Variants in PIKFYVE observed in about 807,000 individuals in gnomAD.
PIKFYVE encodes phosphoinositide kinase, FYVE-type zinc finger containing, also known as 1-phosphatidylinositol 3-phosphate 5-kinase.
In PIKFYVE, 122 loss-of-function variants were observed where a neutral mutation model predicts 257.9. The observed-to-expected ratio is 0.47, with a 90% confidence interval of 0.41 to 0.55. The LOEUF is 0.55. PIKFYVE is among the 20% of genes least tolerant of loss of function. The pLI, the probability that PIKFYVE is intolerant of heterozygous loss-of-function variation, is 0.00. For synonymous variants in PIKFYVE, 892 were observed against 868.9 expected (o/e 1.03, Z -0.47); for missense variants, 2,160 against 2,536.6 (o/e 0.85, Z 3.19).
intron 38 of PIKFYVE, among the ~76,000 whole-genome samples, chr2:208,351,893 T>C (rs1699808176): frequency 6.6e-6 from 1 of 152,154 alleles, no homozygotes; most frequent in Non-Finnish European, 1.5e-5. Context: ...CCTCCAACAT[T>C]GCAGATAACA....
chr2:208,315,830 A>AT (rs1695442109), intron 15 of PIKFYVE, among the ~76,000 whole-genome samples: 1 of 56,286 alleles, frequency 1.8e-5, no homozygotes, highest in South Asian at 8.3e-4. Flanking sequence ...ACATTATGAC[A>AT]TTTTTTGCGA....
intron 31 of PIKFYVE, 100 bp downstream of exon 31, chr2:208,340,231 A>G (rs1698568218): frequency 2.1e-6 from 3 of 1,434,696 alleles, no homozygotes; most frequent in African/African-American, 1.4e-5. Flanking sequence ...TGATTTTTCA[A>G]TCCTAAATTT....
intron 12 of PIKFYVE, among the ~76,000 whole-genome samples, chr2:208,307,128 G>GT (rs1310678666): frequency 6.6e-6 from 1 of 152,126 alleles, no homozygotes; most frequent in Non-Finnish European, 1.5e-5. Context: ...GGCAACTTTC[G>GT]TAGGAGAATG....
intron 12 of PIKFYVE, among the ~76,000 whole-genome samples, chr2:208,307,492 G>A (rs1250899194): frequency 2.0e-5 from 3 of 152,118 alleles, no homozygotes; most frequent in Non-Finnish European, 4.4e-5. Flanking sequence ...TTTGGATCTG[G>A]GATCATGGAG....
intron 28 of PIKFYVE, among the ~76,000 whole-genome samples, chr2:208,337,610 T>C (rs1313838820): frequency 6.6e-6 from 1 of 152,122 alleles, no homozygotes; most frequent in African/African-American, 2.4e-5. Flanking sequence ...GATAGATAGA[T>C]ATATCTATAC....
chr2:208,335,709 G>A (rs1698063212), intron 25 of PIKFYVE, 84 bp from the exon 26 acceptor site: 9 of 1,085,128 alleles, frequency 8.3e-6, no homozygotes, highest in Non-Finnish European at 1.1e-5. Flanking sequence ...ATTACATTTT[G>A]CATGTAGCTT....
chr2:208,318,421 ACT>A (rs1695811440), intron 16 of PIKFYVE, among the ~76,000 whole-genome samples: 1 of 152,090 alleles, frequency 6.6e-6, no homozygotes, highest in Non-Finnish European at 1.5e-5. Context: ...TATTAAGGAG[ACT>A]CTGAGTTCCT....
chr2:208,282,906 G>A (rs775481652), intron 5 of PIKFYVE, among the ~76,000 whole-genome samples: 12 of 152,042 alleles, frequency 7.9e-5, no homozygotes, highest in South Asian at 2.1e-4. Context: ...CGTAAGGAAC[G>A]TGCAATCTAG....
chr2:208,342,827 C>T lies in PIKFYVE; in HGVS notation c.5027+178C>T, dbSNP rs1698839617. Among the ~76,000 whole-genome samples the T allele has an allele frequency of 2.3e-5, 3 of 128,012 alleles. No individual in the cohort carries two copies. In the South Asian group the frequency reaches 8.0e-4, roughly 34 times the overall value. 84.0% of individuals were successfully genotyped at this position (128,012 alleles called of 152,430 possible). A position where few individuals can be genotyped will look rare whatever the true frequency, so the allele number is the denominator to read the frequency against. On this transcript the variant is annotated intron_variant, in intron 32 of 41. Coordinates refer to ENST00000264380, the MANE Select transcript of PIKFYVE (RefSeq NM_015040.4). ...TTTTTTTTTTTGAGACAGAATGTCA[C>T]TCTGTTGCCCAGGCTGGAGTGCAGT...
At chr2:208,299,597 T>C (rs984745361) in intron 8 of PIKFYVE, among the ~76,000 whole-genome samples, 21 of 152,338 alleles carry the variant, frequency 1.4e-4, no homozygotes, top group Admixed American at 1.3e-3. Flanking sequence ...CAGTATTTTC[T>C]TTACCCTTTT....
chr2:208,342,077 CTG>C (rs1698761081), intron 31 of PIKFYVE, among the ~76,000 whole-genome samples: 1 of 152,136 alleles, frequency 6.6e-6, no homozygotes, highest in Non-Finnish European at 1.5e-5. Flanking sequence ...TTAAAAATGA[CTG>C]TGCCTAACAG....
chr2:208,340,189 C>A, intron 31 of PIKFYVE, 58 bp downstream of exon 31: 1 of 1,583,072 alleles, frequency 6.3e-7, no homozygotes, highest in South Asian at 1.1e-5. Context: ...CTTAGTTGCT[C>A]GCTTCATATT....
intron 14 of PIKFYVE, among the ~76,000 whole-genome samples, chr2:208,314,669 C>T (rs952562432): frequency 2.6e-5 from 4 of 152,210 alleles, no homozygotes; most frequent in African/African-American, 7.2e-5. Context: ...GAGGCTGAGG[C>T]GGGAGGATCA....
intron 28 of PIKFYVE, 78 bp from the exon 29 acceptor site, chr2:208,338,430 A>AATCC: frequency 7.3e-7 from 1 of 1,373,020 alleles, no homozygotes. Context: ...CAAAAAGTTT[A>AATCC]AGATTCACTG....
At chr2:208,323,157 T>G (rs892302918) in intron 17 of PIKFYVE, among the ~76,000 whole-genome samples, 1 of 151,242 alleles carries the variant, frequency 6.6e-6, no homozygotes, top group Non-Finnish European at 1.5e-5. Context: ...ATGTGCACAA[T>G]GTGCAGGTTA....
chr2:208,316,088 A>G (rs1419562091), intron 15 of PIKFYVE, among the ~76,000 whole-genome samples: 3 of 127,334 alleles, frequency 2.4e-5, no homozygotes, highest in Non-Finnish European at 4.7e-5. Context: ...ATGTGTTCTC[A>G]TTGTTCAATT....
intron 17 of PIKFYVE, among the ~76,000 whole-genome samples, chr2:208,323,003 T>A (rs1032163847): frequency 6.6e-6 from 1 of 151,682 alleles, no homozygotes; most frequent in Non-Finnish European, 1.5e-5. Context: ...GCTTCATCCA[T>A]GTCCCTACAA....
At position 208,347,910 on chromosome 2, in the gene PIKFYVE, G is replaced by T. The variant is rs149616025; in HGVS notation, c.5261G>T (p.Ser1754Ile). 6.2e-7 allele frequency: 1 copy of T among 1,613,854 alleles called. No individual in the cohort carries two copies. Among genetic ancestry groups the T allele is most frequent in the Non-Finnish European group, 8.5e-7 (1 of 1,179,942 alleles). Residue 1754 changes from serine (S) to isoleucine (I), a missense_variant, in exon 35 of 42, where the codon AGC becomes ATC. Around this residue, in one of 12 missense-constraint regions of PIKFYVE, gnomAD observed 699 missense variants for 855.8 expected, o/e 0.82. Transcript: ENST00000264380. ...LSFFRGTAGK[S>I]PDLSSQKRET... ...TTCTTCAGAGGGACAGCAGGGAAAA[G>T]CCCCGATCTCTCTTCCCAGAAGAGA...
chr2:208,300,356 T>C (rs1693527508), intron 8 of PIKFYVE, among the ~76,000 whole-genome samples: 1 of 152,162 alleles, frequency 6.6e-6, no homozygotes, highest in Non-Finnish European at 1.5e-5. Context: ...TAGGATTTTT[T>C]AATTGGGAGA....
Sources: gnomAD v4.1 joint callset for allele counts (sites outside exome capture counted in the v4.1 genomes callset) on GRCh38, gnomAD v4.1.1 for gene constraint, gnomAD v4.1.1 regional missense constraint, MANE v1.5 for transcripts, NCBI Gene and HGNC (gene_info 2026-07-23, HGNC 2026-07-21) for gene names.